The following NIPSNAP1 variants were observed in gnomAD, a reference collection of about 807,000 sequenced individuals.
NIPSNAP1 encodes the protein nipsnap homolog 1, also known as protein NipSnap homolog 1.
In NIPSNAP1, 25 loss-of-function variants were observed where a neutral mutation model predicts 49.2. The ratio of observed to expected loss-of-function variants is 0.51; its 90% CI spans 0.37 to 0.71. The LOEUF is 0.71. Among genes scored for constraint, NIPSNAP1 ranks in the 30% least tolerant of loss-of-function variants. The pLI, the probability that NIPSNAP1 is intolerant of heterozygous loss-of-function variation, is 0.00. For synonymous variants in NIPSNAP1, 143 were observed against 140.7 expected, an observed-to-expected ratio of 1.02 and a Z score of -0.12; for missense variants, 294 against 361.0, an observed-to-expected ratio of 0.81 and a Z score of 1.50.
At chr22:29,565,764 A>T (rs1454199420) in intron 4 of NIPSNAP1, among the ~76,000 whole-genome samples, 1 of 151,426 alleles carries the variant, frequency 6.6e-6, no homozygotes, top group Non-Finnish European at 1.5e-5. Flanking sequence ...CGAGCCCAGA[A>T]ATTCAACTCC....
At chr22:29,561,767 G>A (rs763697334) in intron 5 of NIPSNAP1, 25 bp downstream of exon 5, 1 of 1,613,774 alleles carries the variant, frequency 6.2e-7, no homozygotes, top group East Asian at 2.2e-5. Context: ...ATCCAGAGAG[G>A]TGTGCTGAGT....
chr22:29,566,871 C>T (rs2064371726), intron 4 of NIPSNAP1, among the ~76,000 whole-genome samples: 1 of 152,030 alleles, frequency 6.6e-6, no homozygotes, highest in Non-Finnish European at 1.5e-5. Flanking sequence ...TGCCTGTAAT[C>T]CCAACACTTT....
At chr22:29,561,439 G>A in intron 6 of NIPSNAP1, 67 bp downstream of exon 6, 2 of 1,603,774 alleles carry the variant, frequency 1.2e-6, no homozygotes, top group Non-Finnish European at 8.5e-7. Context: ...AGGTGTTGGG[G>A]CAGCTGCAAA....
chr22:29,573,768 C>CAAAAA (rs695672), intron 1 of NIPSNAP1, among the ~76,000 whole-genome samples: 9 of 125,106 alleles, frequency 7.2e-5, no homozygotes, highest in Non-Finnish European at 1.0e-4. Flanking sequence ...AACTCTGTCT[C>CAAAAA]AAAAAAAAAA....
intron 1 of NIPSNAP1, among the ~76,000 whole-genome samples, chr22:29,574,864 A>AT (rs2064440158): frequency 6.6e-6 from 1 of 152,012 alleles, no homozygotes; most frequent in Non-Finnish European, 1.5e-5. Context: ...GGAGGCTCTA[A>AT]GCCAGGGATC....
chr22:29,555,870 G>A lies in NIPSNAP1; in HGVS notation c.*65C>T. On this transcript the variant is annotated 3_prime_UTR_variant, in exon 10 of 10. Transcript: ENST00000216121. ...AGACAAAACCAAGACAGCAGGACCAGGAGTGCCACTGTCTGTCGGGGTTGC... is the reference window on the plus strand; with the variant it reads ...AGACAAAACCAAGACAGCAGGACCAAGAGTGCCACTGTCTGTCGGGGTTGC... 1 of 1,416,056 alleles carries A rather than the reference G, an allele frequency of 7.1e-7. No individual in the cohort carries two copies. The highest frequency in any genetic ancestry group is 1.2e-5 in the South Asian group (1 of 81,480). The allele number at this position is 1,416,056 out of a possible 1,614,324, so 87.7% of individuals were successfully genotyped here.
At position 29,560,348 on chromosome 22, in the gene NIPSNAP1, A is replaced by C. The variant is rs112066316; in HGVS notation, c.706+386T>G. ...CTGCAACCTCCACCTCCCGGGTTCA[A>C]CTGATTCTCCTGCCTCATCCTCCCG... On this transcript the variant is annotated intron_variant, in intron 8 of 9. Transcript: ENST00000216121. Among the ~76,000 whole-genome samples, 655 of 152,034 alleles carry C rather than the reference A, an allele frequency of 4.3e-3. 8 individuals carry two copies. The highest frequency in any genetic ancestry group is 0.015 in the African/African-American group (621 of 41,478).
chr22:29,564,948 G>A (rs575407175), intron 4 of NIPSNAP1, among the ~76,000 whole-genome samples: 17 of 152,156 alleles, frequency 1.1e-4, no homozygotes, highest in South Asian at 8.3e-4. Flanking sequence ...CACTCTGGGA[G>A]GCTGAGGCAG....
In NIPSNAP1 at chr22:29,555,809, A is replaced by T. The variant is rs2146597681; in HGVS notation, c.*126T>A. 1.2e-6 allele frequency: 1 copy of T among 836,624 alleles called. No homozygotes were observed. The highest frequency in any genetic ancestry group is 2.3e-4 in the Middle Eastern group (1 of 4,402). The allele number at this position is 836,624 out of a possible 1,614,324, so 51.8% of individuals were successfully genotyped here. ...TCAGCCTTCAGTTCCCCCTTGTCTGAACTGAGCACTGCCCCTCAGAGTCCT... is the reference window on the plus strand; with the variant it reads ...TCAGCCTTCAGTTCCCCCTTGTCTGTACTGAGCACTGCCCCTCAGAGTCCT... On this transcript the variant is annotated 3_prime_UTR_variant, in exon 10 of 10. Transcript: ENST00000216121.
At chr22:29,556,930 G>T (rs963827019) in intron 9 of NIPSNAP1, among the ~76,000 whole-genome samples, 2 of 149,530 alleles carry the variant, frequency 1.3e-5, no homozygotes, top group African/African-American at 4.9e-5. Flanking sequence ...TGTATTTTTA[G>T]TAGAGACAGG....
rs945724101 is a variant in NIPSNAP1 at position 29,576,218 on chromosome 22, C to T, written c.98+4767G>A. On this transcript the variant is annotated intron_variant, in intron 1 of 9. Coordinates refer to ENST00000216121, the MANE Select transcript of NIPSNAP1 (RefSeq NM_003634.4). ...ATGTTTTAGTAGAGACGGGGTTTCA[C>T]CATGTTGGTCAGGCTGGTCTCGAAC... Among the ~76,000 whole-genome samples, 62 of 150,696 alleles carry T rather than the reference C, an allele frequency of 4.1e-4. 2 individuals are homozygous for T. Among genetic ancestry groups the T allele is most frequent in the Non-Finnish European group, 4.4e-5 (3 of 67,984 alleles).
At chr22:29,572,162 G>T (rs929328821) in intron 1 of NIPSNAP1, among the ~76,000 whole-genome samples, 35 of 151,784 alleles carry the variant, frequency 2.3e-4, no homozygotes, top group African/African-American at 7.0e-4. Flanking sequence ...AATCAGCCAG[G>T]CGTGGTGGTG....
intron 4 of NIPSNAP1, among the ~76,000 whole-genome samples, chr22:29,563,989 C>G (rs2064353253): frequency 6.6e-6 from 1 of 152,174 alleles, no homozygotes; most frequent in Non-Finnish European, 1.5e-5. Context: ...TTATTTTAAG[C>G]CACCCAGTTT....
chr22:29,571,212 G>T (rs1426137021), intron 1 of NIPSNAP1, among the ~76,000 whole-genome samples: 1 of 152,134 alleles, frequency 6.6e-6, no homozygotes. Context: ...TATAGGAGGG[G>T]TCTCTGGAAG....
rs986435674 is a variant in NIPSNAP1, at chr22:29,580,230, G to T, written c.98+755C>A. 26 of 1,301,796 alleles carry T rather than the reference G, an allele frequency of 2.0e-5. No individual in the cohort carries two copies. In the African/African-American group the frequency reaches 3.8e-4, roughly 19 times the overall value. The allele number at this position is 1,301,796 out of a possible 1,614,324, so 80.6% of individuals were successfully genotyped here. A position where few individuals can be genotyped will look rare whatever the true frequency, so the allele number is the denominator to read the frequency against. On this transcript the variant is annotated intron_variant, in intron 1 of 9. Transcript: ENST00000216121. Reference sequence around the variant, plus strand: ...AAGCACCAAGTCATAACTGTGCAGGGTCATATATGCAGAGATGGGGGAAGT... The same window carrying T: ...AAGCACCAAGTCATAACTGTGCAGGTTCATATATGCAGAGATGGGGGAAGT...
At chr22:29,565,310 G>A (rs1006616075) in intron 4 of NIPSNAP1, among the ~76,000 whole-genome samples, 3 of 151,722 alleles carry the variant, frequency 2.0e-5, no homozygotes, top group Non-Finnish European at 2.9e-5. Context: ...TCAGGAGTTC[G>A]AGACCAGCCT....
In NIPSNAP1 at chr22:29,555,287, A is replaced by C. The variant is rs2064282954; in HGVS notation, c.*648T>G. 2 of 152,900 alleles carry C rather than the reference A, an allele frequency of 1.3e-5. No homozygotes were observed. The highest frequency in any genetic ancestry group is 4.8e-5 in the African/African-American group (2 of 41,406). 9.5% of individuals were successfully genotyped at this position (152,900 alleles called of 1,614,324 possible). A position where few individuals can be genotyped will look rare whatever the true frequency, so the allele number is the denominator to read the frequency against. On this transcript the variant is annotated 3_prime_UTR_variant, in exon 10 of 10. Transcript: ENST00000216121. Reference sequence around the variant, plus strand: ...ACCCAAGTTCTGAATTCTAAGTTCTACCTTCCGAGTTCCTGTTACGTGTCT... The same window carrying C: ...ACCCAAGTTCTGAATTCTAAGTTCTCCCTTCCGAGTTCCTGTTACGTGTCT...
chr22:29,556,783 CTT>C (rs757551679), intron 9 of NIPSNAP1, among the ~76,000 whole-genome samples: 1 of 152,148 alleles, frequency 6.6e-6, no homozygotes, highest in African/African-American at 2.4e-5. Flanking sequence ...GAATTTCACT[CTT>C]GTTGCCCAGG....
At position 29,561,950 on chromosome 22, in the gene NIPSNAP1, G is replaced by A. The variant is rs2064339175; in HGVS notation, c.368-88C>T. On this transcript the variant is annotated intron_variant, in intron 4 of 9. Transcript: ENST00000216121. ...AGGTTGGCTAAGTGGTGGGGACGGGGGAGGCGGGGTGGCCTGGTTCCCTGT... is the reference window on the plus strand; with the variant it reads ...AGGTTGGCTAAGTGGTGGGGACGGGAGAGGCGGGGTGGCCTGGTTCCCTGT... 4 of 1,217,222 alleles carry A rather than the reference G, an allele frequency of 3.3e-6. No individual in the cohort carries two copies. In the Admixed American group the frequency reaches 5.3e-5, roughly 16 times the overall value. The allele number at this position is 1,217,222 out of a possible 1,614,324, so 75.4% of individuals were successfully genotyped here. A position where few individuals can be genotyped will look rare whatever the true frequency, so the allele number is the denominator to read the frequency against.
Sources: gnomAD v4.1 joint callset for allele counts (sites outside exome capture counted in the v4.1 genomes callset) on GRCh38, gnomAD v4.1.1 for gene constraint, MANE v1.5 for transcripts, NCBI Gene and HGNC (gene_info 2026-07-23, HGNC 2026-07-21) for gene names.